The following RPRD1A variants were observed in gnomAD, a reference collection of about 807,000 sequenced individuals.
The protein encoded by RPRD1A is regulation of nuclear pre-mRNA domain-containing protein 1A.
In RPRD1A, 9 loss-of-function variants were observed where a neutral mutation model predicts 37.8. That is an observed-to-expected ratio of 0.24 (90% CI 0.14 to 0.42). The LOEUF is 0.42. Among genes scored for constraint, RPRD1A ranks in the 10% least tolerant of loss-of-function variants. RPRD1A has a pLI of 1.00. For missense variants in RPRD1A, 255 were observed against 371.0 expected (o/e 0.69, Z 2.57); for synonymous variants, 138 against 139.7 (o/e 0.99, Z 0.08).
At chr18:36,039,125 C>T (rs752359263) in intron 1 of RPRD1A, among the ~76,000 whole-genome samples, 6 of 151,900 alleles carry the variant, frequency 3.9e-5, no homozygotes, top group South Asian at 2.1e-4. Flanking sequence ...TGGGAGGGGC[C>T]GGGGTGGAAT....
chr18:36,012,436 C>T (rs972471266), intron 6 of RPRD1A, among the ~76,000 whole-genome samples: 9 of 152,086 alleles, frequency 5.9e-5, no homozygotes, highest in African/African-American at 1.2e-4. Flanking sequence ...AGAGGTATAC[C>T]AGAAGGCATT....
chr18:36,038,131 G>GT (rs1252153985), intron 1 of RPRD1A, among the ~76,000 whole-genome samples: 1 of 152,248 alleles, frequency 6.6e-6, no homozygotes, highest in African/African-American at 2.4e-5. Context: ...AAATTTGCAA[G>GT]TAACAAGGGG....
At chr18:36,042,667 AAC>A (rs1912663744) in intron 1 of RPRD1A, among the ~76,000 whole-genome samples, 1 of 152,200 alleles carries the variant, frequency 6.6e-6, no homozygotes, top group Non-Finnish European at 1.5e-5. Context: ...CCTATAGAAA[AAC>A]AGTCAAGACA....
intron 1 of RPRD1A, among the ~76,000 whole-genome samples, chr18:36,034,253 T>C (rs1246065295): frequency 6.6e-6 from 1 of 152,130 alleles, no homozygotes; most frequent in Non-Finnish European, 1.5e-5. Context: ...GTAAAACAGG[T>C]TGAAAGAGAT....
At chr18:36,003,777 A>G (rs1315923310) in intron 6 of RPRD1A, among the ~76,000 whole-genome samples, 1 of 152,044 alleles carries the variant, frequency 6.6e-6, no homozygotes, top group Non-Finnish European at 1.5e-5. Flanking sequence ...AATAAAGTCT[A>G]AAGTTTTTTT....
intron 1 of RPRD1A, among the ~76,000 whole-genome samples, chr18:36,048,254 C>T (rs896232749): frequency 3.9e-5 from 6 of 151,916 alleles, no homozygotes; most frequent in African/African-American, 7.2e-5. Flanking sequence ...TTAGTAGAGA[C>T]GGGGTTTCTC....
chr18:36,020,382 T>A (rs188510368), intron 6 of RPRD1A, among the ~76,000 whole-genome samples: 39 of 152,320 alleles, frequency 2.6e-4, no homozygotes, highest in Middle Eastern at 6.8e-3. Flanking sequence ...CTATGTTATC[T>A]AACCAGCAAA....
At chr18:36,016,665 T>C (rs1453401929) in intron 6 of RPRD1A, among the ~76,000 whole-genome samples, 1 of 152,194 alleles carries the variant, frequency 6.6e-6, no homozygotes, top group Non-Finnish European at 1.5e-5. Flanking sequence ...AGAGCAATGT[T>C]TTCAGTATCA....
intron 1 of RPRD1A, among the ~76,000 whole-genome samples, chr18:36,057,172 G>A (rs1487555918): frequency 6.6e-6 from 1 of 151,232 alleles, no homozygotes; most frequent in African/African-American, 2.4e-5. Flanking sequence ...GGCCTTGATT[G>A]GCCACCACAC....
chr18:36,029,618 C>T (rs1189115067), intron 4 of RPRD1A, among the ~76,000 whole-genome samples: 3 of 146,596 alleles, frequency 2.0e-5, no homozygotes, highest in Non-Finnish European at 4.5e-5. Context: ...AGACTCAATG[C>T]CCACTTAAAA....
chr18:36,053,897 G>A (rs534918956), intron 1 of RPRD1A, among the ~76,000 whole-genome samples: 86 of 152,240 alleles, frequency 5.6e-4, no homozygotes, highest in South Asian at 1.2e-3. Context: ...AACTATGAAG[G>A]AAGGGGTTGA....
intron 1 of RPRD1A, among the ~76,000 whole-genome samples, chr18:36,057,105 C>T (rs1191951212): frequency 1.4e-5 from 2 of 146,992 alleles, no homozygotes; most frequent in Admixed American, 6.9e-5. Context: ...TAGCATGCAC[C>T]TGTGGTCCTA....
intron 6 of RPRD1A, among the ~76,000 whole-genome samples, chr18:36,002,891 T>C (rs1332142897): frequency 6.6e-6 from 1 of 152,224 alleles, no homozygotes; most frequent in Non-Finnish European, 1.5e-5. Context: ...TAGAGGTAGA[T>C]GCCAGAGACT....
chr18:36,003,214 G>A (rs1186204608), intron 6 of RPRD1A, among the ~76,000 whole-genome samples: 1 of 152,208 alleles, frequency 6.6e-6, no homozygotes, highest in Non-Finnish European at 1.5e-5. Flanking sequence ...CAGAGTTGAA[G>A]ACAGAAATCC....
chr18:36,053,439 C>T (rs1223789263), intron 1 of RPRD1A, among the ~76,000 whole-genome samples: 1 of 152,138 alleles, frequency 6.6e-6, no homozygotes, highest in African/African-American at 2.4e-5. Flanking sequence ...TTGTGTCTGC[C>T]GCCTTCTGCT....
At chr18:35,993,736 G>A (rs540204634) in intron 6 of RPRD1A, among the ~76,000 whole-genome samples, 2 of 152,252 alleles carry the variant, frequency 1.3e-5, no homozygotes, top group Non-Finnish European at 2.9e-5. Context: ...TAAGCAAGGA[G>A]GGTCCACTCC....
intron 6 of RPRD1A, among the ~76,000 whole-genome samples, chr18:35,993,821 C>A (rs993843200): frequency 6.6e-6 from 1 of 152,084 alleles, no homozygotes; most frequent in African/African-American, 2.4e-5. Flanking sequence ...CCAGAAAGAG[C>A]GCCTCTCATC....
chr18:35,997,622 A>C (rs1909155979), intron 6 of RPRD1A, among the ~76,000 whole-genome samples: 1 of 152,252 alleles, frequency 6.6e-6, no homozygotes, highest in Non-Finnish European at 1.5e-5. Flanking sequence ...TACTACAAAT[A>C]AGATCAGCAA....
chr18:36,024,495 A>G (rs904612098), intron 6 of RPRD1A, among the ~76,000 whole-genome samples: 1 of 152,082 alleles, frequency 6.6e-6, no homozygotes, highest in African/African-American at 2.4e-5. Context: ...AACTATAGTC[A>G]GAAGTTTCAA....
Sources: gnomAD v4.1 joint callset for allele counts (sites outside exome capture counted in the v4.1 genomes callset) on GRCh38, gnomAD v4.1.1 for gene constraint, MANE v1.5 for transcripts, NCBI Gene and HGNC (gene_info 2026-07-23, HGNC 2026-07-21) for gene names.